Variants in ANXA3 observed in about 807,000 individuals in gnomAD.
ANXA3 encodes annexin A3.
ANXA3 carries 46 observed loss-of-function variants against 48.8 expected under a neutral mutation model. That is an observed-to-expected ratio of 0.94 (90% CI 0.74 to 1.21). ANXA3 has a LOEUF of 1.21. Ranked by LOEUF, ANXA3 falls within the 50% of genes most tolerant of loss-of-function variation. ANXA3 has a pLI of 0.00. For synonymous variants in ANXA3, 128 were observed against 134.7 expected, an observed-to-expected ratio of 0.95 and a Z score of 0.35; for missense variants, 383 against 378.6, an observed-to-expected ratio of 1.01 and a Z score of -0.10.
chr4:78,601,241 A>C (rs1417868461), intron 10 of ANXA3, among the ~76,000 whole-genome samples: 2 of 152,200 alleles, frequency 1.3e-5, no homozygotes, highest in East Asian at 3.8e-4. Flanking sequence ...GAGATGAGTC[A>C]GTCGCTGTGG....
intron 3 of ANXA3, among the ~76,000 whole-genome samples, chr4:78,577,801 G>C (rs1313955791): frequency 6.6e-6 from 1 of 152,154 alleles, no homozygotes; most frequent in Non-Finnish European, 1.5e-5. Flanking sequence ...CCAATTCACA[G>C]CTTCCCAAAC....
chr4:78,563,463 G>T (rs952868528), intron 2 of ANXA3, among the ~76,000 whole-genome samples: 1 of 151,968 alleles, frequency 6.6e-6, no homozygotes, highest in Non-Finnish European at 1.5e-5. Flanking sequence ...TGGGATCTCT[G>T]GGGGGTGATT....
chr4:78,601,212 T>G (rs1723527826), intron 10 of ANXA3, among the ~76,000 whole-genome samples: 1 of 152,186 alleles, frequency 6.6e-6, no homozygotes, highest in South Asian at 2.1e-4. Flanking sequence ...GCGTAGGTGT[T>G]CGGGGTGTCT....
At chr4:78,602,395 A>T (rs1723563966) in intron 11 of ANXA3, 1 of 152,168 alleles carries the variant, frequency 6.6e-6, no homozygotes, top group Admixed American at 6.5e-5. Flanking sequence ...CCATATAGAG[A>T]TAGGTACAGA....
chr4:78,591,835 C>T (rs1466466497), intron 7 of ANXA3, among the ~76,000 whole-genome samples: 4 of 152,020 alleles, frequency 2.6e-5, no homozygotes, highest in South Asian at 2.1e-4. Flanking sequence ...ACAAAGAAAA[C>T]TTATTTGAGT....
chr4:78,575,368 G>A (rs1722926191), intron 3 of ANXA3, among the ~76,000 whole-genome samples: 1 of 151,788 alleles, frequency 6.6e-6, no homozygotes, highest in African/African-American at 2.4e-5. Context: ...ATCTCATCTT[G>A]TAGCTTCCAT....
Position 78,595,187 on chromosome 4 carries a change from A to G in ANXA3, c.484-194A>G, listed in dbSNP as rs537782474. On this transcript the variant is annotated intron_variant, in intron 7 of 12. Coordinates refer to ENST00000264908, the MANE Select transcript of ANXA3 (RefSeq NM_005139.3). The stretch of plus-strand genomic sequence containing the variant: ...TCGGAGGAGGGAACTGAGGCCCCCA[A>G]AATTGTGTGATTTGCTAAAAATTTC... 3.3e-5 allele frequency among the ~76,000 whole-genome samples: 5 copies of G among 152,226 alleles called. No individual in the cohort carries two copies. In the East Asian group the frequency reaches 9.6e-4, roughly 29 times the overall value.
chr4:78,572,923 G>A, intron 2 of ANXA3: 1 of 542,660 alleles, frequency 1.8e-6, no homozygotes, highest in South Asian at 1.7e-5. Context: ...TCCTCCTGAA[G>A]TTAGTTTGCC....
intron 4 of ANXA3, among the ~76,000 whole-genome samples, chr4:78,580,223 G>A (rs1213634856): frequency 6.6e-6 from 1 of 152,206 alleles, no homozygotes; most frequent in Non-Finnish European, 1.5e-5. Flanking sequence ...ATGAAGGAAT[G>A]TCAGTGAGGG....
In ANXA3 at chr4:78,597,372, G is replaced by T; in HGVS notation, c.688G>T (p.Gly230Ter). The T allele has an allele frequency of 6.2e-7, 1 of 1,610,952 alleles. No homozygotes were observed. The highest frequency in any genetic ancestry group is 1.3e-5 in the African/African-American group (1 of 74,868). The part of the protein sequence containing the change: ...SQKDIVDSIK[G>*]ELSGHFEDLL... ...AAAGGACATTGTGGACAGCATAAAA[G>T]GAGAATTATCTGGGCATTTTGAAGA... Residue 230 changes from glycine to a stop codon, truncating the protein, a stop_gained, in exon 10 of 13, where the codon GGA (glycine) becomes TGA (stop). Transcript: ENST00000264908. LOFTEE classifies it high-confidence loss of function.
At chr4:78,592,257 T>C (rs912571531) in intron 7 of ANXA3, among the ~76,000 whole-genome samples, 1 of 152,206 alleles carries the variant, frequency 6.6e-6, no homozygotes, top group Non-Finnish European at 1.5e-5. Flanking sequence ...TATTCACAGC[T>C]GTGTGTAAGA....
intron 5 of ANXA3, among the ~76,000 whole-genome samples, chr4:78,584,653 GC>G (rs1287705139): frequency 6.6e-6 from 1 of 152,194 alleles, no homozygotes; most frequent in Non-Finnish European, 1.5e-5. Flanking sequence ...AAAGAAGGGA[GC>G]CTAGATCTGA....
intron 3 of ANXA3, among the ~76,000 whole-genome samples, chr4:78,574,502 G>A (rs1722908883): frequency 6.6e-6 from 1 of 152,148 alleles, no homozygotes; most frequent in Non-Finnish European, 1.5e-5. Flanking sequence ...TTTCCCTAGA[G>A]ATAAACACCA....
In ANXA3 at chr4:78,610,364, TTCTGCTTTC is replaced by T. The variant is rs1723734361; in HGVS notation, c.*250_*258del. The T allele has an allele frequency of 4.0e-5, 12 of 299,404 alleles. No individual in the cohort carries two copies. The South Asian group carries it at 1.5e-3, about 37-fold the overall frequency. 18.5% of individuals were successfully genotyped at this position (299,404 alleles called of 1,614,324 possible). On this transcript the variant is annotated 3_prime_UTR_variant, in exon 13 of 13. Transcript: ENST00000264908. Reference sequence around the variant, plus strand: ...TCTGCAACTACTATCCAACTTATATTTCTGCTTTCAAAGTTAAGAATCTTTATAGTTCTA... The same window carrying T: ...TCTGCAACTACTATCCAACTTATATTAAAGTTAAGAATCTTTATAGTTCTA...
intron 6 of ANXA3, among the ~76,000 whole-genome samples, chr4:78,587,590 T>A (rs554265657): frequency 6.6e-6 from 1 of 152,198 alleles, no homozygotes; most frequent in African/African-American, 2.4e-5. Flanking sequence ...GTCAGTTGTG[T>A]CATAGCAGCT....
intron 2 of ANXA3, among the ~76,000 whole-genome samples, chr4:78,561,747 G>A (rs1052689634): frequency 2.6e-5 from 4 of 152,010 alleles, no homozygotes; most frequent in Non-Finnish European, 4.4e-5. Flanking sequence ...ATCTTTCCTG[G>A]TTAGGTGCTG....
chr4:78,580,201 G>T (rs1365714081), intron 4 of ANXA3, among the ~76,000 whole-genome samples: 1 of 152,212 alleles, frequency 6.6e-6, no homozygotes, highest in Non-Finnish European at 1.5e-5. Context: ...ACTGGCTCCT[G>T]CAGATAGAGT....
chr4:78,574,574 A>G (rs535881904), intron 3 of ANXA3, among the ~76,000 whole-genome samples: 73 of 152,286 alleles, frequency 4.8e-4, no homozygotes, highest in African/African-American at 1.8e-3. Context: ...ACATGTACAT[A>G]TTGTTATGCA....
intron 2 of ANXA3, among the ~76,000 whole-genome samples, chr4:78,563,491 T>C (rs977124057): frequency 1.1e-5 from 1 of 94,384 alleles, no homozygotes; most frequent in African/African-American, 2.9e-5. Flanking sequence ...GTGGGGATTA[T>C]TGCCCTTTTA....
Sources: allele counts gnomAD v4.1 joint callset (sites outside exome capture counted in the v4.1 genomes callset), GRCh38; gene constraint gnomAD v4.1.1; transcripts MANE v1.5; gene names NCBI Gene and HGNC (gene_info 2026-07-23, HGNC 2026-07-21).